The following GCN1 variants were observed in gnomAD, a reference collection of about 807,000 sequenced individuals.
GCN1 encodes GCN1 activator of EIF2AK4.
In GCN1, 90 loss-of-function variants were observed where a neutral mutation model predicts 288.4. That is an observed-to-expected ratio of 0.31 (90% confidence interval 0.26 to 0.37). The LOEUF (loss-of-function observed/expected upper bound fraction) is 0.37, where lower values mean the gene tolerates loss of function less well. Among genes scored for constraint, GCN1 ranks in the 10% least tolerant of loss-of-function variants. The pLI, the probability that GCN1 is intolerant of heterozygous loss-of-function variation, is 1.00. For synonymous variants in GCN1, 1,386 were observed against 1,420.2 expected, an observed-to-expected ratio of 0.98 and a Z score of 0.54; for missense variants, 2,586 against 3,419.9, an observed-to-expected ratio of 0.76 and a Z score of 6.08.
Position 120,156,939 on chromosome 12 carries a change from C to T in GCN1, c.3141G>A (p.Val1047=), listed in dbSNP as rs759582448. 1.2e-5 allele frequency: 19 copies of T among 1,612,834 alleles called. No individual in the cohort carries two copies. The highest frequency in any genetic ancestry group is 4.4e-5 in the South Asian group (4 of 91,058). The part of the protein sequence containing the change: ...RVAMLRLLTW[V]IGTGSPRLQV... ...GTAAGCGAGGCGAGCCCGTCCCGAT[C>T]ACCCAAGTCAGAAGACGCAGCATGG... Residue 1047 remains valine (V), a synonymous_variant, in exon 27 of 58, where the codon GTG becomes GTA. Transcript: ENST00000300648. The surrounding 1 kb of genome is among the most constrained non-coding windows in gnomAD (Gnocchi z 5.8).
Position 120,144,992 on chromosome 12 carries a change from A to G in GCN1, c.5086T>C (p.Leu1696=). 1 of 1,614,084 alleles carries G rather than the reference A, an allele frequency of 6.2e-7. No homozygotes were observed. The highest frequency in any genetic ancestry group is 8.5e-7 in the Non-Finnish European group (1 of 1,180,020). Residue 1696 remains leucine (L), a synonymous_variant, in exon 40 of 58, where the codon TTG becomes CTG. Coordinates refer to ENST00000300648, the MANE Select transcript of GCN1 (RefSeq NM_006836.2). This position sits in a 1 kb window ranked among gnomAD's most constrained non-coding sequence, Gnocchi z 4.7. ...KGMGESCFED[L]LPWLMETLTY... ...AGTGTCTCCATCAGCCACGGCAGCA[A>G]GTCCTCAAAGCACGACTCCCCCATG...
Position 120,157,975 on chromosome 12 carries a change from C to T in GCN1, c.2961G>A (p.Met987Ile), listed in dbSNP as rs1877805356. 6.2e-7 allele frequency: 1 copy of T among 1,613,914 alleles called. No individual in the cohort carries two copies. Among genetic ancestry groups the T allele is most frequent in the Admixed American group, 1.7e-5 (1 of 60,014 alleles). The change falls in exon 26 of 58, where the codon ATG becomes ATA. Residue 987 changes from methionine to isoleucine, a missense_variant. By Grantham distance (10) the Met-to-Ile change is conservative. This residue lies in a region of GCN1 where 153 missense variants were observed against 252.0 expected (regional missense o/e 0.61). Coordinates refer to ENST00000300648, the MANE Select transcript of GCN1 (RefSeq NM_006836.2). ...TGTGGTGGGGCATCTCCGTCAGCAC[C>T]ATCTTCAGAAACGGGAAGACTAAGG... ...AFSLVFPFLK[M>I]VLTEMPHHSE...
At position 120,160,195 on chromosome 12, in the gene GCN1, T is replaced by A; in HGVS notation, c.2497A>T (p.Met833Leu). The change falls in exon 23 of 58, where the codon ATG becomes TTG. Residue 833 changes from methionine to leucine, a missense_variant. By Grantham distance (15) the Met-to-Leu change is conservative. This residue lies in a region of GCN1 where 913 missense variants were observed against 1,107.0 expected (regional missense o/e 0.82). Coordinates refer to ENST00000300648, the MANE Select transcript of GCN1 (RefSeq NM_006836.2). ...TCCCTGTCTAGCTGGGCCTGCAGCA[T>A]CTCCTTCTGCTTGCTGGTCAGCTGC... ...EVQLTSKQKE[M>L]LQAQLDREAQ... 1 of 1,612,400 alleles carries A rather than the reference T, an allele frequency of 6.2e-7. No individual in the cohort carries two copies.
At chr12:120,184,513 C>T (rs55723776) in intron 3 of GCN1, among the ~76,000 whole-genome samples, 3,778 of 152,286 alleles carry the variant, frequency 0.025, 158 homozygotes, top group African/African-American at 0.084. Flanking sequence ...GTAGGCCAGA[C>T]GATTTAACAC....
intron 38 of GCN1, among the ~76,000 whole-genome samples, chr12:120,146,396 G>A (rs1028814353): frequency 1.4e-4 from 22 of 151,754 alleles, no homozygotes; most frequent in Admixed American, 7.2e-4. Flanking sequence ...TGTCACCCCA[G>A]GCTGGAGTGC....
intron 1 of GCN1, among the ~76,000 whole-genome samples, chr12:120,192,569 T>C (rs1466887720): frequency 6.8e-6 from 1 of 147,166 alleles, no homozygotes; most frequent in Non-Finnish European, 1.5e-5. Context: ...CTACTAAAAA[T>C]ACAAAAAAAA....
chr12:120,171,938 C>T (rs990357020), intron 14 of GCN1, among the ~76,000 whole-genome samples: 1 of 152,238 alleles, frequency 6.6e-6, no homozygotes, highest in Non-Finnish European at 1.5e-5. Context: ...TGTTTCCCTG[C>T]CTGATCTTGA....
intron 2 of GCN1, among the ~76,000 whole-genome samples, chr12:120,188,442 A>G (rs916034466): frequency 1.4e-5 from 2 of 142,798 alleles, no homozygotes; most frequent in Admixed American, 6.8e-5. Flanking sequence ...TCACCAAAGA[A>G]AAAAAAAAAA....
chr12:120,169,152 G>A (rs900096376), intron 15 of GCN1, among the ~76,000 whole-genome samples: 2 of 151,800 alleles, frequency 1.3e-5, no homozygotes, highest in African/African-American at 2.4e-5. Flanking sequence ...AAAATTAGCC[G>A]CGCGTGGCGG....
intron 51 of GCN1, among the ~76,000 whole-genome samples, chr12:120,136,083 TTCCTTGTATTTACGTGG>T (rs776900687): frequency 1.8e-4 from 28 of 152,190 alleles, no homozygotes; most frequent in Non-Finnish European, 3.8e-4. Context: ...AAACAATGTT[TTCCTTGTATTTACGTGG>T]TCCTGAATTT....
chr12:120,149,484 G>C, intron 36 of GCN1, 122 bp downstream of exon 36: 1 of 713,470 alleles, frequency 1.4e-6, no homozygotes, highest in South Asian at 1.7e-5. Flanking sequence ...AAAAGGCAGA[G>C]TCTTAACCCT....
chr12:120,131,169 G>A lies in GCN1; in HGVS notation c.7563+16C>T. On this transcript the variant is annotated intron_variant, in intron 55 of 57. Coordinates refer to ENST00000300648, the MANE Select transcript of GCN1 (RefSeq NM_006836.2). ...GATGTGGCCTATGCCTATGGGATATGGCCCGAATGCCTTACCCTGTCCGCC... is the reference window on the plus strand; with the variant it reads ...GATGTGGCCTATGCCTATGGGATATAGCCCGAATGCCTTACCCTGTCCGCC... 1 of 1,613,060 alleles carries A rather than the reference G, an allele frequency of 6.2e-7. No homozygotes were observed. Among genetic ancestry groups the A allele is most frequent in the East Asian group, 2.2e-5 (1 of 44,880 alleles).
At chr12:120,194,508 G>A (rs1008818165) in intron 1 of GCN1, among the ~76,000 whole-genome samples, 172 bp downstream of exon 1, 1 of 152,002 alleles carries the variant, frequency 6.6e-6, no homozygotes, top group Non-Finnish European at 1.5e-5. Flanking sequence ...CGCCGCCCGG[G>A]CCGGGCCAAG....
Position 120,155,176 on chromosome 12 carries a change from G to A in GCN1, c.3630+65C>T. ...GAGATTCCTGTCTGGAGCAGTAGCG[G>A]GGTGAGCAGAGACCCACCCAACCGC... On this transcript the variant is annotated intron_variant, in intron 30 of 57. Coordinates refer to ENST00000300648, the MANE Select transcript of GCN1 (RefSeq NM_006836.2). The surrounding 1 kb of genome is among the most constrained non-coding windows in gnomAD (Gnocchi z 4.9). 2 of 1,550,272 alleles carry A rather than the reference G, an allele frequency of 1.3e-6. No homozygotes were observed. The highest frequency in any genetic ancestry group is 1.8e-6 in the Non-Finnish European group (2 of 1,122,374).
chr12:120,158,677 G>A lies in GCN1; in HGVS notation c.2750-62C>T, dbSNP rs1217299327. On this transcript the variant is annotated intron_variant, in intron 24 of 57. Coordinates refer to ENST00000300648, the MANE Select transcript of GCN1 (RefSeq NM_006836.2). The surrounding 1 kb of genome is among the most constrained non-coding windows in gnomAD (Gnocchi z 4.3). The stretch of plus-strand genomic sequence containing the variant: ...CACAGAGATGTGGAATCCAGCCCAG[G>A]CTAAAACAGGGGACCCAGTGCCTCA... The A allele has an allele frequency of 2.9e-6, 4 of 1,396,020 alleles. No individual in the cohort carries two copies. In the Admixed American group the frequency reaches 9.3e-5, roughly 32 times the overall value. 86.5% of individuals were successfully genotyped at this position (1,396,020 alleles called of 1,614,324 possible). A position where few individuals can be genotyped will look rare whatever the true frequency, so the allele number is the denominator to read the frequency against.
In GCN1 at chr12:120,178,818, A is replaced by C. The variant is rs749417445; in HGVS notation, c.525+34T>G. Reference sequence around the variant, plus strand: ...TGGCAGTGGGGGAGTGGCATGGAAGAAGCAATGCCCACCAGCCCCTGCAGT... The same window carrying C: ...TGGCAGTGGGGGAGTGGCATGGAAGCAGCAATGCCCACCAGCCCCTGCAGT... On this transcript the variant is annotated intron_variant, in intron 6 of 57. Coordinates refer to ENST00000300648, the MANE Select transcript of GCN1 (RefSeq NM_006836.2). The C allele has an allele frequency of 6.2e-6, 10 of 1,612,272 alleles. No homozygotes were observed. In the South Asian group the frequency reaches 8.8e-5, roughly 14 times the overall value.
chr12:120,171,466 C>T (rs1210256980), intron 14 of GCN1, among the ~76,000 whole-genome samples: 1 of 147,918 alleles, frequency 6.8e-6, no homozygotes, highest in African/African-American at 2.5e-5. Flanking sequence ...AACTCCATCT[C>T]AAAAAAAAAA....
At chr12:120,177,072 T>G (rs186510026) in intron 9 of GCN1, among the ~76,000 whole-genome samples, 1 of 152,240 alleles carries the variant, frequency 6.6e-6, no homozygotes. Flanking sequence ...GGCCTCTTGT[T>G]TTTTGAGATA....
chr12:120,152,414 ATATATATATAT>A (rs1877591295), intron 33 of GCN1, among the ~76,000 whole-genome samples: 1 of 126,292 alleles, frequency 7.9e-6, no homozygotes, highest in Non-Finnish European at 1.6e-5. Flanking sequence ...CACACACAAA[ATATATATATAT>A]AAATATATAT....
Sources: gnomAD v4.1 joint callset for allele counts (sites outside exome capture counted in the v4.1 genomes callset) on GRCh38, gnomAD v4.1.1 for gene constraint, gnomAD v4.1.1 regional missense constraint, Gnocchi (gnomAD v3.1) non-coding constraint, MANE v1.5 for transcripts, NCBI Gene and HGNC (gene_info 2026-07-23, HGNC 2026-07-21) for gene names.